EXOC6B: variants seen among roughly 807,000 people sequenced by gnomAD.
The protein encoded by EXOC6B is exocyst complex component 6B.
In EXOC6B, 54 loss-of-function variants were observed where a neutral mutation model predicts 113.5. The ratio of observed to expected loss-of-function variants is 0.48; its 90% confidence interval spans 0.38 to 0.60. The LOEUF is 0.60. Ranked by LOEUF, EXOC6B falls within the 20% of genes least tolerant of loss-of-function variation. EXOC6B has a pLI of 0.00. For synonymous variants in EXOC6B, 357 were observed against 339.0 expected, an observed-to-expected ratio of 1.05 and a Z score of -0.58; for missense variants, 797 against 977.5, an observed-to-expected ratio of 0.82 and a Z score of 2.46.
intron 11 of EXOC6B, among the ~76,000 whole-genome samples, chr2:72,508,537 C>T (rs1005590907): frequency 2.6e-5 from 4 of 152,068 alleles, no homozygotes; most frequent in Non-Finnish European, 5.9e-5. Context: ...TTTGGGAGGC[C>T]GAGGTAGGCG....
chr2:72,766,527 C>T (rs2104924062), intron 1 of EXOC6B, among the ~76,000 whole-genome samples: 1 of 152,190 alleles, frequency 6.6e-6, no homozygotes, highest in Non-Finnish European at 1.5e-5. Context: ...GAACAAAACA[C>T]ATGAGAAGAT....
rs74674662 is a variant in EXOC6B at position 72,591,751 on chromosome 2, T to A, written c.670-16083A>T. On this transcript the variant is annotated intron_variant, in intron 6 of 21. Transcript: ENST00000272427. The stretch of plus-strand genomic sequence containing the variant: ...CAGGTATTTAGTCCAGTAAAAATAA[T>A]CAAGTTTACAGTCATTAATGTGTAA... Among the ~76,000 whole-genome samples the A allele has an allele frequency of 6.0e-3, 910 of 152,214 alleles. 7 individuals are homozygous for A. Among genetic ancestry groups the A allele is most frequent in the African/African-American group, 0.02 (834 of 41,558 alleles).
intron 8 of EXOC6B, among the ~76,000 whole-genome samples, chr2:72,523,728 C>G (rs1701610277): frequency 7.0e-6 from 1 of 143,640 alleles, no homozygotes; most frequent in Admixed American, 7.4e-5. Context: ...TTGCCATGAG[C>G]CGAGATCACG....
At chr2:72,455,479 T>C (rs1697171199) in intron 18 of EXOC6B, among the ~76,000 whole-genome samples, 1 of 152,114 alleles carries the variant, frequency 6.6e-6, no homozygotes. Flanking sequence ...AAATGATGGC[T>C]CTATGAAACA....
rs1179638266 is a variant in EXOC6B at position 72,524,707 on chromosome 2, CA to C, written c.916-9582del. Among the ~76,000 whole-genome samples the C allele has an allele frequency of 5.9e-5, 9 of 152,212 alleles. No individual in the cohort carries two copies. In the East Asian group the frequency reaches 1.4e-3, roughly 23 times the overall value. On this transcript the variant is annotated intron_variant, in intron 8 of 21. Transcript: ENST00000272427. Reference sequence around the variant, plus strand: ...CTTATTTCACATGGCACACCTATACCAAAACATCTCATGTACCCCACAAATA... The same window carrying C: ...CTTATTTCACATGGCACACCTATACCAAACATCTCATGTACCCCACAAATA...
chr2:72,201,908 T>TACCA (rs1297753186), intron 20 of EXOC6B, among the ~76,000 whole-genome samples: 1 of 152,162 alleles, frequency 6.6e-6, no homozygotes, highest in Non-Finnish European at 1.5e-5. Context: ...AAGTGCCCAC[T>TACCA]ACCAGTGTTT....
At chr2:72,265,952 G>A (rs1012888241) in intron 20 of EXOC6B, among the ~76,000 whole-genome samples, 112 of 151,828 alleles carry the variant, frequency 7.4e-4, no homozygotes, top group African/African-American at 2.6e-3. Flanking sequence ...CATTCTAACT[G>A]GTGTGAGATG....
chr2:72,543,954 T>C (rs1465363714), intron 8 of EXOC6B, among the ~76,000 whole-genome samples: 2 of 152,146 alleles, frequency 1.3e-5, no homozygotes, highest in African/African-American at 2.4e-5. Flanking sequence ...AAGAAACTAC[T>C]TAAAATACAT....
At chr2:72,256,919 C>T (rs1010307502) in intron 20 of EXOC6B, among the ~76,000 whole-genome samples, 1 of 151,584 alleles carries the variant, frequency 6.6e-6, no homozygotes, top group African/African-American at 2.4e-5. Context: ...CACAAGGAGG[C>T]TGAATGTAAA....
intron 20 of EXOC6B, among the ~76,000 whole-genome samples, chr2:72,220,019 G>T (rs771811599): frequency 1.3e-5 from 2 of 152,044 alleles, no homozygotes; most frequent in African/African-American, 4.8e-5. Flanking sequence ...TCCAAAATGG[G>T]GATGAAAGTA....
chr2:72,697,101 TATACAG>T (rs1265609772), intron 6 of EXOC6B, among the ~76,000 whole-genome samples: 86 of 105,376 alleles, frequency 8.2e-4, no homozygotes, highest in Non-Finnish European at 1.5e-3. Context: ...ATGATTTTTA[TATACAG>T]ATATAGATAT....
chr2:72,245,841 T>C (rs893895026), intron 20 of EXOC6B, among the ~76,000 whole-genome samples: 2 of 152,172 alleles, frequency 1.3e-5, no homozygotes, highest in Non-Finnish European at 2.9e-5. Context: ...AAGTCACCTT[T>C]TAAAAAAACA....
At chr2:72,281,627 A>G (rs1308162266) in intron 20 of EXOC6B, among the ~76,000 whole-genome samples, 2 of 152,328 alleles carry the variant, frequency 1.3e-5, no homozygotes, top group Admixed American at 1.3e-4. Context: ...GCAAAACAAC[A>G]TATGTGCATA....
At position 72,677,101 on chromosome 2, in the gene EXOC6B, T is replaced by C. The variant is rs185232675; in HGVS notation, c.669+41002A>G. Among the ~76,000 whole-genome samples the C allele has an allele frequency of 5.3e-5, 8 of 152,336 alleles. No homozygotes were observed. In the East Asian group the frequency reaches 7.7e-4, roughly 15 times the overall value. ...CTTAGTAGCAGAATGTCTTTTAGTCTATTTGCGTAGAATCTTACCCTAAGA... is the reference window on the plus strand; with the variant it reads ...CTTAGTAGCAGAATGTCTTTTAGTCCATTTGCGTAGAATCTTACCCTAAGA... On this transcript the variant is annotated intron_variant, in intron 6 of 21. Transcript: ENST00000272427.
chr2:72,328,869 T>C (rs1382170223), intron 20 of EXOC6B, among the ~76,000 whole-genome samples: 2 of 152,116 alleles, frequency 1.3e-5, no homozygotes, highest in African/African-American at 4.8e-5. Context: ...GCTTAACTCA[T>C]TCCTTCTAAT....
chr2:72,356,830 A>T (rs555868058), intron 19 of EXOC6B, among the ~76,000 whole-genome samples: 1 of 152,134 alleles, frequency 6.6e-6, no homozygotes, highest in Non-Finnish European at 1.5e-5. Context: ...AAAATATTAT[A>T]TCGCTGCCCT....
intron 20 of EXOC6B, among the ~76,000 whole-genome samples, chr2:72,246,123 A>G (rs751414746): frequency 1.2e-4 from 18 of 152,100 alleles, no homozygotes; most frequent in Non-Finnish European, 2.1e-4. Flanking sequence ...TCTTAATCTC[A>G]AGCAATCCTC....
At chr2:72,266,932 T>C (rs1402134142) in intron 20 of EXOC6B, among the ~76,000 whole-genome samples, 3 of 152,216 alleles carry the variant, frequency 2.0e-5, no homozygotes, top group Non-Finnish European at 4.4e-5. Context: ...TTTATTTCAT[T>C]GAGCAGTGGT....
At chr2:72,540,877 A>G (rs1270298235) in intron 8 of EXOC6B, among the ~76,000 whole-genome samples, 2 of 152,224 alleles carry the variant, frequency 1.3e-5, no homozygotes, top group African/African-American at 4.8e-5. Context: ...CTTTGCAGAA[A>G]AAGTTTGTAA....
Sources: allele counts gnomAD v4.1 joint callset (sites outside exome capture counted in the v4.1 genomes callset), GRCh38; gene constraint gnomAD v4.1.1; transcripts MANE v1.5; gene names NCBI Gene and HGNC (gene_info 2026-07-23, HGNC 2026-07-21).